ATF6: variants seen among roughly 807,000 people sequenced by gnomAD.
ATF6 encodes cyclic AMP-dependent transcription factor ATF-6 alpha.
A neutral mutation model predicts 83.6 loss-of-function variants in ATF6; 53 were observed. The ratio of observed to expected loss-of-function variants is 0.63; its 90% CI spans 0.51 to 0.80. The LOEUF (loss-of-function observed/expected upper bound fraction) is 0.80, where lower values mean the gene tolerates loss of function less well. ATF6 is among the 30% of genes least tolerant of loss of function. The pLI is 0.00. For missense variants in ATF6, 744 were observed against 797.9 expected (o/e 0.93, Z 0.81); for synonymous variants, 288 against 285.8 (o/e 1.01, Z -0.08).
chr1:161,884,900 ATTAT>A (rs1209004274), intron 14 of ATF6, among the ~76,000 whole-genome samples: 12 of 152,066 alleles, frequency 7.9e-5, no homozygotes, highest in Non-Finnish European at 4.4e-5. Context: ...GCTGGCGAAA[ATTAT>A]TTAAAGTAAT....
At chr1:161,946,083 G>A (rs1016125625) in intron 15 of ATF6, among the ~76,000 whole-genome samples, 3 of 152,124 alleles carry the variant, frequency 2.0e-5, no homozygotes, top group African/African-American at 4.8e-5. Flanking sequence ...TCAGCTTTCT[G>A]CAGCCTCAAC....
intron 14 of ATF6, among the ~76,000 whole-genome samples, chr1:161,911,067 A>G (rs982078052): frequency 6.6e-6 from 1 of 152,218 alleles, no homozygotes; most frequent in Non-Finnish European, 1.5e-5. Context: ...CTTCATAATC[A>G]TATCAACTTT....
At chr1:161,936,417 A>G (rs1049768515) in intron 15 of ATF6, among the ~76,000 whole-genome samples, 2 of 152,216 alleles carry the variant, frequency 1.3e-5, no homozygotes, top group African/African-American at 2.4e-5. Flanking sequence ...AGAATGCAGT[A>G]TCCATCCCTT....
intron 14 of ATF6, among the ~76,000 whole-genome samples, chr1:161,864,497 C>T (rs1686950011): frequency 6.6e-6 from 1 of 152,134 alleles, no homozygotes; most frequent in Non-Finnish European, 1.5e-5. Flanking sequence ...CACTGAAATT[C>T]TCAGTTAACT....
chr1:161,884,640 G>A (rs1687383427), intron 14 of ATF6, among the ~76,000 whole-genome samples: 1 of 152,036 alleles, frequency 6.6e-6, no homozygotes, highest in Non-Finnish European at 1.5e-5. Context: ...GTTCCTGGCT[G>A]TTAACACTAC....
chr1:161,955,934 T>C (rs1688958019), intron 15 of ATF6, among the ~76,000 whole-genome samples: 1 of 152,142 alleles, frequency 6.6e-6, no homozygotes, highest in Admixed American at 6.6e-5. Context: ...CTCCTTCTGG[T>C]TGGGCTTAAG....
intron 7 of ATF6, among the ~76,000 whole-genome samples, chr1:161,815,384 T>G (rs555977395): frequency 2.6e-5 from 4 of 151,424 alleles, no homozygotes; most frequent in African/African-American, 9.7e-5. Flanking sequence ...AGAGACGAGG[T>G]CTTCCTATGT....
At chr1:161,768,762 CAG>C (rs1684324065) in intron 1 of ATF6, among the ~76,000 whole-genome samples, 1 of 152,044 alleles carries the variant, frequency 6.6e-6, no homozygotes, top group African/African-American at 2.4e-5. Flanking sequence ...TTTGTAGAGA[CAG>C]GGGTCTTGCT....
chr1:161,897,599 G>A (rs1380006025), intron 14 of ATF6, among the ~76,000 whole-genome samples: 1 of 152,142 alleles, frequency 6.6e-6, no homozygotes, highest in East Asian at 1.9e-4. Flanking sequence ...TCGGGAGGAA[G>A]CCTGAAAGGG....
At chr1:161,782,236 A>T (rs1228166724) in intron 3 of ATF6, among the ~76,000 whole-genome samples, 2 of 152,236 alleles carry the variant, frequency 1.3e-5, no homozygotes, top group Non-Finnish European at 2.9e-5. Context: ...CATATCAGAA[A>T]TAGAAATAGT....
chr1:161,833,013 G>A (rs532687349), intron 9 of ATF6, among the ~76,000 whole-genome samples: 118 of 152,306 alleles, frequency 7.7e-4, no homozygotes, highest in African/African-American at 2.8e-3. Context: ...CCCAGTAGGG[G>A]CGGACTGACA....
rs111358251 is a variant in ATF6 at position 161,868,799 on chromosome 1, A to T, written c.1719+5487A>T. 2.7e-3 allele frequency among the ~76,000 whole-genome samples: 407 copies of T among 150,750 alleles called. 3 individuals are homozygous for T. Among genetic ancestry groups the T allele is most frequent in the African/African-American group, 9.1e-3 (378 of 41,478 alleles). ...TCCATTTATGATTTGCACTAGCCAG[A>T]TATCATCAGCTTATTCTTGTCTCTG... is the stretch of plus-strand genomic sequence containing the variant. On this transcript the variant is annotated intron_variant, in intron 14 of 15. Transcript: ENST00000367942.
intron 10 of ATF6, among the ~76,000 whole-genome samples, chr1:161,846,878 T>G (rs1461356330): frequency 2.0e-5 from 3 of 151,870 alleles, no homozygotes; most frequent in African/African-American, 7.2e-5. Context: ...AATAATTATT[T>G]TATCTATCAT....
chr1:161,930,316 C>T (rs1007758401), intron 15 of ATF6, among the ~76,000 whole-genome samples: 4 of 152,146 alleles, frequency 2.6e-5, no homozygotes, highest in African/African-American at 9.7e-5. Flanking sequence ...CAAGTTGCAG[C>T]AGGGGAAATA....
In ATF6 at chr1:161,963,332, TAG is replaced by T; in HGVS notation, c.*4680_*4681del. On this transcript the variant is annotated 3_prime_UTR_variant, in exon 16 of 16. Transcript: ENST00000367942. ...AAGAAGAATGACAAAGGTATCTGAT[TAG>T]AAAATTTGATCTTACGCATGAATCC... 1 of 152,340 alleles carries T rather than the reference TAG, an allele frequency of 6.6e-6. No individual in the cohort carries two copies. Among genetic ancestry groups the T allele is most frequent in the Non-Finnish European group, 1.5e-5 (1 of 68,032 alleles). 9.4% of individuals were successfully genotyped at this position (152,340 alleles called of 1,614,324 possible).
chr1:161,946,808 A>G (rs1459783780), intron 15 of ATF6, among the ~76,000 whole-genome samples: 1 of 152,236 alleles, frequency 6.6e-6, no homozygotes, highest in Non-Finnish European at 1.5e-5. Context: ...TTTCTAAAAC[A>G]AATGAAAGCA....
intron 15 of ATF6, among the ~76,000 whole-genome samples, chr1:161,943,726 CT>C (rs932975003): frequency 3.9e-5 from 6 of 152,146 alleles, no homozygotes; most frequent in African/African-American, 1.4e-4. Flanking sequence ...AAAAAATCAC[CT>C]TTTCACACGC....
chr1:161,841,136 T>C (rs1288491882), intron 9 of ATF6, among the ~76,000 whole-genome samples: 1 of 152,216 alleles, frequency 6.6e-6, no homozygotes, highest in African/African-American at 2.4e-5. Context: ...TTCATATAAA[T>C]AATAATTTTC....
intron 9 of ATF6, among the ~76,000 whole-genome samples, chr1:161,829,262 C>T (rs982682610): frequency 1.6e-4 from 22 of 140,646 alleles, no homozygotes; most frequent in African/African-American, 5.3e-4. Context: ...TGCAGTGGCG[C>T]GATCTCAGCT....
Sources: allele counts gnomAD v4.1 joint callset (sites outside exome capture counted in the v4.1 genomes callset), GRCh38; gene constraint gnomAD v4.1.1; transcripts MANE v1.5; gene names NCBI Gene and HGNC (gene_info 2026-07-23, HGNC 2026-07-21).